The following SLCO3A1 variants were observed in gnomAD, a reference collection of about 807,000 sequenced individuals.
SLCO3A1 encodes solute carrier organic anion transporter family member 3A1.
SLCO3A1 carries 27 observed loss-of-function variants against 63.1 expected under a neutral mutation model. The observed-to-expected ratio is 0.43, with a 90% confidence interval of 0.32 to 0.59. SLCO3A1 has a LOEUF of 0.59. Among genes scored for constraint, SLCO3A1 ranks in the 20% least tolerant of loss-of-function variants. The pLI is 0.09. For missense variants in SLCO3A1, 773 were observed against 945.8 expected (o/e 0.82, Z 2.40); for synonymous variants, 473 against 409.9 (o/e 1.15, Z -1.86).
chr15:92,047,972 G>A (rs187024614), intron 2 of SLCO3A1, among the ~76,000 whole-genome samples: 2 of 151,992 alleles, frequency 1.3e-5, no homozygotes, highest in East Asian at 3.9e-4. Context: ...GGGTGCCCAG[G>A]ACAGTGATGT....
rs112621673 is a variant in SLCO3A1, at chr15:92,135,469, T to C, written c.1512+6980T>C. Among the ~76,000 whole-genome samples the C allele has an allele frequency of 5.3e-3, 809 of 152,282 alleles. 7 individuals are homozygous for C. The highest frequency in any genetic ancestry group is 0.019 in the African/African-American group (773 of 41,542). ...AGTGACCCCACAAGGGAAGAAGAGA[T>C]CGTATTTCTTCTTGCAGTTTTTCAG... On this transcript the variant is annotated intron_variant, in intron 7 of 9. Transcript: ENST00000318445.
At chr15:92,129,971 A>C (rs2047973007) in intron 7 of SLCO3A1, among the ~76,000 whole-genome samples, 1 of 152,240 alleles carries the variant, frequency 6.6e-6, no homozygotes, top group African/African-American at 2.4e-5. Context: ...ATGGGCCTTG[A>C]GAATGGTTCA....
chr15:91,944,136 G>A (rs572170734), intron 2 of SLCO3A1, among the ~76,000 whole-genome samples: 6 of 152,242 alleles, frequency 3.9e-5, no homozygotes, highest in African/African-American at 1.4e-4. Context: ...CCTCCCTAGG[G>A]TTGCTGATGT....
At chr15:92,131,195 A>C (rs1482850137) in intron 7 of SLCO3A1, among the ~76,000 whole-genome samples, 1 of 152,130 alleles carries the variant, frequency 6.6e-6, no homozygotes, top group Non-Finnish European at 1.5e-5. Flanking sequence ...TGTCGAGTAC[A>C]CATGGACACC....
chr15:92,151,010 G>T lies in SLCO3A1; in HGVS notation c.1749G>T (p.Leu583Phe), dbSNP rs1350614394. The T allele has an allele frequency of 3.1e-6, 5 of 1,608,116 alleles. No homozygotes were observed. Among genetic ancestry groups the T allele is most frequent in the South Asian group, 1.1e-5 (1 of 90,798 alleles). ...ALGVLFLLLR[L>F]LGFIPPPLIF... ...GAGTTCTTTTTCTCCTCCTTCGTTT[G>T]TTGGGTATGTATTATCTCTTTATTT... is the stretch of plus-strand genomic sequence containing the variant. The change falls in exon 9 of 10, where the codon TTG (leucine) becomes TTT (phenylalanine). Residue 583 changes from leucine to phenylalanine, a missense_variant. Leu to Phe is a conservative substitution (Grantham distance 22). Transcript: ENST00000318445.
chr15:91,914,601 G>A (rs1244950306), intron 1 of SLCO3A1, among the ~76,000 whole-genome samples: 3 of 130,762 alleles, frequency 2.3e-5, no homozygotes, highest in African/African-American at 5.9e-5. Flanking sequence ...GCAAGGTCTC[G>A]CTCTGTTGCC....
At position 91,885,967 on chromosome 15, in the gene SLCO3A1, G is replaced by A. The variant is rs1897714443; in HGVS notation, c.181-30026G>A. Reference sequence around the variant, plus strand: ...GAGTGGAAAGACCAGTGTGTCTCTAGCAGAGAGGGTGAGAGGGAGGCAGGG... The same window carrying A: ...GAGTGGAAAGACCAGTGTGTCTCTAACAGAGAGGGTGAGAGGGAGGCAGGG... On this transcript the variant is annotated intron_variant, in intron 1 of 9. Transcript: ENST00000318445. The surrounding 1 kb of genome is among the most constrained non-coding windows in gnomAD (Gnocchi z 4.7). Among the ~76,000 whole-genome samples, 1 of 152,160 alleles carries A rather than the reference G, an allele frequency of 6.6e-6. No homozygotes were observed. The highest frequency in any genetic ancestry group is 1.5e-5 in the Non-Finnish European group (1 of 68,024).
chr15:92,119,462 G>T (rs1418807926), intron 4 of SLCO3A1, among the ~76,000 whole-genome samples: 3 of 152,198 alleles, frequency 2.0e-5, no homozygotes, highest in African/African-American at 7.2e-5. Context: ...CTGAGCACCA[G>T]GACTGAGTGG....
At chr15:91,924,970 G>A (rs1567188429) in intron 2 of SLCO3A1, among the ~76,000 whole-genome samples, 1 of 152,208 alleles carries the variant, frequency 6.6e-6, no homozygotes, top group African/African-American at 2.4e-5. Flanking sequence ...TAGGACCAGA[G>A]AGGCCCAGGA....
At chr15:92,043,924 C>G (rs1187481187) in intron 2 of SLCO3A1, among the ~76,000 whole-genome samples, 1 of 152,194 alleles carries the variant, frequency 6.6e-6, no homozygotes, top group Non-Finnish European at 1.5e-5. Flanking sequence ...TCCATCCCCC[C>G]TGGGAGCCTG....
intron 2 of SLCO3A1, among the ~76,000 whole-genome samples, chr15:91,929,890 T>C (rs1172523452): frequency 6.6e-6 from 1 of 152,182 alleles, no homozygotes; most frequent in African/African-American, 2.4e-5. Context: ...GTATATTATA[T>C]ACCAAATATT....
intron 2 of SLCO3A1, among the ~76,000 whole-genome samples, chr15:92,016,246 TAGATAGATTAGATAGA>T (rs1269895974): frequency 9.5e-5 from 5 of 52,858 alleles, no homozygotes; most frequent in African/African-American, 5.5e-4. Context: ...GATAGATAGA[TAGATAGATTAGATAGA>T]TAGATAGATA....
In SLCO3A1 at chr15:92,165,276, A is replaced by G. The variant is rs1393193210; in HGVS notation, c.*2141A>G. 1.0e-6 allele frequency: 1 copy of G among 985,430 alleles called. No individual in the cohort carries two copies. The highest frequency in any genetic ancestry group is 1.2e-6 in the Non-Finnish European group (1 of 829,922). 61.0% of individuals were successfully genotyped at this position (985,430 alleles called of 1,614,324 possible). A position where few individuals can be genotyped will look rare whatever the true frequency, so the allele number is the denominator to read the frequency against. ...CTTGCTTATGAAAATGGGGACACTCATCAGTACGTTAACTACTAAAGGGGA... is the reference window on the plus strand; with the variant it reads ...CTTGCTTATGAAAATGGGGACACTCGTCAGTACGTTAACTACTAAAGGGGA... On this transcript the variant is annotated 3_prime_UTR_variant, in exon 10 of 10. Transcript: ENST00000318445.
chr15:92,102,291 T>C (rs764161572), intron 3 of SLCO3A1, among the ~76,000 whole-genome samples: 4 of 152,234 alleles, frequency 2.6e-5, no homozygotes, highest in Non-Finnish European at 5.9e-5. Context: ...TGCATAAAGA[T>C]GCTTTCAAGA....
At chr15:91,876,952 G>A (rs150271413) in intron 1 of SLCO3A1, among the ~76,000 whole-genome samples, 4 of 152,272 alleles carry the variant, frequency 2.6e-5, no homozygotes, top group African/African-American at 9.6e-5. Context: ...GATATGTTTG[G>A]GGTTCTGCTG....
rs1405358468 is a variant in SLCO3A1, at chr15:91,912,127, C to G, written c.181-3866C>G. Among the ~76,000 whole-genome samples the G allele has an allele frequency of 6.6e-6, 1 of 152,084 alleles. No homozygotes were observed. The highest frequency in any genetic ancestry group is 2.4e-5 in the African/African-American group (1 of 41,384). ...CTCCTTCTTCTCTAATTATCAAGAC[C>G]TTCTCCATTAGTCCTGTTACCCATT... On this transcript the variant is annotated intron_variant, in intron 1 of 9. Transcript: ENST00000318445. This position sits in a 1 kb window ranked among gnomAD's most constrained non-coding sequence, Gnocchi z 5.0.
chr15:91,963,685 G>C (rs767516882), intron 2 of SLCO3A1, among the ~76,000 whole-genome samples: 1 of 152,054 alleles, frequency 6.6e-6, no homozygotes, highest in Admixed American at 6.5e-5. Flanking sequence ...TGTTCCTTCC[G>C]AGGTTCAGAT....
chr15:92,156,263 A>T lies in SLCO3A1; in HGVS notation c.1753+5249A>T, dbSNP rs550564435. ...GGAGTGAGATACGGCGGTGGGATGCATGGAAGACCCCTTCCACTTGCCTAC... is the reference window on the plus strand; with the variant it reads ...GGAGTGAGATACGGCGGTGGGATGCTTGGAAGACCCCTTCCACTTGCCTAC... On this transcript the variant is annotated intron_variant, in intron 9 of 9. Transcript: ENST00000318445. Among the ~76,000 whole-genome samples the T allele has an allele frequency of 1.7e-3, 258 of 152,264 alleles. 1 individual carries two copies. Among genetic ancestry groups the T allele is most frequent in the African/African-American group, 6.0e-3 (251 of 41,554 alleles).
intron 2 of SLCO3A1, among the ~76,000 whole-genome samples, chr15:91,917,985 G>A (rs1898717788): frequency 6.6e-6 from 1 of 152,198 alleles, no homozygotes; most frequent in Non-Finnish European, 1.5e-5. Flanking sequence ...TGTCTCTGCT[G>A]ATAGAATCAA....
Sources: gnomAD v4.1 joint callset for allele counts (sites outside exome capture counted in the v4.1 genomes callset) on GRCh38, gnomAD v4.1.1 for gene constraint, Gnocchi (gnomAD v3.1) non-coding constraint, MANE v1.5 for transcripts, NCBI Gene and HGNC (gene_info 2026-07-23, HGNC 2026-07-21) for gene names.